QTMAN: variants seen among roughly 807,000 people sequenced by gnomAD.
The protein encoded by QTMAN is queuosine-tRNA mannosyltransferase.
At chr2:144,091,505 T>A in the QTMAN span, among the ~76,000 whole-genome samples, 1 of 152,182 alleles carries the variant, frequency 6.6e-6, no homozygotes, top group Admixed American at 6.5e-5. Context: ...TACACATCTA[T>A]CTAAAATTAG....
At chr2:144,294,653 G>A in the QTMAN span, among the ~76,000 whole-genome samples, 1 of 151,954 alleles carries the variant, frequency 6.6e-6, no homozygotes, top group African/African-American at 2.4e-5. Flanking sequence ...TTAACATTGG[G>A]TGAAAAACTC....
chr2:143,960,115 T>G, the QTMAN span, among the ~76,000 whole-genome samples: 27 of 152,106 alleles, frequency 1.8e-4, 1 homozygote, highest in Admixed American at 1.7e-3. Flanking sequence ...TGGATCATGG[T>G]CAAAAGTTTG....
chr2:144,110,681 C>CA, the QTMAN span, among the ~76,000 whole-genome samples: 1 of 135,520 alleles, frequency 7.4e-6, no homozygotes, highest in African/African-American at 2.9e-5. Context: ...AAAAATCGAC[C>CA]CCCCCCCAAA....
the QTMAN span, among the ~76,000 whole-genome samples, chr2:144,262,491 G>A: frequency 6.8e-6 from 1 of 147,300 alleles, no homozygotes; most frequent in Admixed American, 6.9e-5. Context: ...GATAGCTTGA[G>A]CCCAGGAGTT....
chr2:144,012,412 A>C, the QTMAN span, among the ~76,000 whole-genome samples: 4 of 152,194 alleles, frequency 2.6e-5, no homozygotes, highest in Non-Finnish European at 5.9e-5. Context: ...ACTAAGATTG[A>C]TGGTAAGCAA....
chr2:144,168,270 C>G, the QTMAN span, among the ~76,000 whole-genome samples: 2 of 152,148 alleles, frequency 1.3e-5, no homozygotes, highest in Admixed American at 6.6e-5. Flanking sequence ...GCCCTGCCAG[C>G]AGATCCTTCT....
the QTMAN span, among the ~76,000 whole-genome samples, chr2:144,210,449 C>A: frequency 1.3e-5 from 2 of 152,100 alleles, no homozygotes; most frequent in Non-Finnish European, 2.9e-5. Flanking sequence ...AATCATGATC[C>A]CCTACCCACC....
At chr2:144,186,790 T>A in the QTMAN span, among the ~76,000 whole-genome samples, 1 of 152,196 alleles carries the variant, frequency 6.6e-6, no homozygotes, top group African/African-American at 2.4e-5. Context: ...AATATCAAAT[T>A]TGCCACATTA....
chr2:144,134,539 T>C, the QTMAN span, among the ~76,000 whole-genome samples: 1 of 152,076 alleles, frequency 6.6e-6, no homozygotes, highest in African/African-American at 2.4e-5. Context: ...TACTACAAAT[T>C]GAGGAAATTC....
At chr2:144,256,833 C>T in the QTMAN span, among the ~76,000 whole-genome samples, 1 of 151,616 alleles carries the variant, frequency 6.6e-6, no homozygotes, top group African/African-American at 2.4e-5. Context: ...ACCTATGTAA[C>T]AAACCCACAC....
chr2:144,309,466 A>G, the QTMAN span, among the ~76,000 whole-genome samples: 1 of 152,246 alleles, frequency 6.6e-6, no homozygotes, highest in Non-Finnish European at 1.5e-5. Context: ...GACACATACA[A>G]TAACATAATA....
At chr2:144,031,353 T>C in the QTMAN span, among the ~76,000 whole-genome samples, 8 of 152,008 alleles carry the variant, frequency 5.3e-5, no homozygotes, top group Non-Finnish European at 8.8e-5. Context: ...GAAGAGAAAA[T>C]TGGATATAAA....
the QTMAN span, among the ~76,000 whole-genome samples, chr2:144,066,581 C>T: frequency 1.3e-5 from 2 of 152,176 alleles, no homozygotes; most frequent in African/African-American, 2.4e-5. Context: ...TTTGGGAGGC[C>T]GAGGTGGGTG....
At chr2:144,113,163 C>T in the QTMAN span, among the ~76,000 whole-genome samples, 9 of 151,570 alleles carry the variant, frequency 5.9e-5, no homozygotes, top group African/African-American at 1.2e-4. Flanking sequence ...AGAATCACAA[C>T]GAATTCAAGC....
the QTMAN span, among the ~76,000 whole-genome samples, chr2:144,044,945 G>T: frequency 4.6e-4 from 70 of 152,186 alleles, no homozygotes; most frequent in African/African-American, 1.6e-3. Context: ...TCTAACACTT[G>T]CATTGCATTT....
the QTMAN span, among the ~76,000 whole-genome samples, chr2:144,253,114 A>C: frequency 6.6e-6 from 1 of 152,026 alleles, no homozygotes; most frequent in African/African-American, 2.4e-5. Context: ...CAAAAGATCT[A>C]ATGGTTTTAT....
the QTMAN span, among the ~76,000 whole-genome samples, chr2:144,301,827 T>C: frequency 6.6e-6 from 1 of 152,230 alleles, no homozygotes; most frequent in Admixed American, 6.5e-5. Flanking sequence ...CCAGGAGGCA[T>C]GTCTTCTTTA....
chr2:144,031,020 G>A, the QTMAN span, among the ~76,000 whole-genome samples: 2 of 152,146 alleles, frequency 1.3e-5, no homozygotes, highest in East Asian at 1.9e-4. Context: ...CTGTTCGTTC[G>A]AGTGGGAACA....
the QTMAN span, among the ~76,000 whole-genome samples, chr2:144,093,977 G>A: frequency 6.6e-6 from 1 of 152,140 alleles, no homozygotes; most frequent in African/African-American, 2.4e-5. Flanking sequence ...AGGTTTAAAG[G>A]ATGTTTCCCA....
Sources: allele counts gnomAD v4.1 joint callset (sites outside exome capture counted in the v4.1 genomes callset), GRCh38; gene constraint gnomAD v4.1.1; transcripts MANE v1.5; gene names NCBI Gene and HGNC (gene_info 2026-07-23, HGNC 2026-07-21).